The following VPS13B variants were observed in gnomAD, a reference collection of about 807,000 sequenced individuals.
VPS13B encodes the protein vacuolar protein sorting 13 homolog B, also known as intermembrane lipid transfer protein VPS13B.
Under a neutral mutation model 426.4 loss-of-function variants are expected in VPS13B, and 285 were observed. That is an observed-to-expected ratio of 0.67 (90% confidence interval 0.61 to 0.74). VPS13B has a LOEUF of 0.74. VPS13B is among the 30% of genes least tolerant of loss of function. VPS13B has a pLI of 0.00. For synonymous variants in VPS13B, 1,676 were observed against 1,676.4 expected (o/e 1.00, Z 0.01); for missense variants, 4,537 against 4,782.6 (o/e 0.95, Z 1.51).
intron 30 of VPS13B, among the ~76,000 whole-genome samples, chr8:99,531,641 CTA>C (rs1383429012): frequency 2.0e-5 from 3 of 151,992 alleles, no homozygotes; most frequent in Non-Finnish European, 4.4e-5. Context: ...ACAATTATGA[CTA>C]TTTTCACATG....
intron 35 of VPS13B, among the ~76,000 whole-genome samples, chr8:99,670,040 A>G (rs1352800851): frequency 6.6e-6 from 1 of 152,114 alleles, no homozygotes; most frequent in East Asian, 1.9e-4. Context: ...TGTTTATATG[A>G]ATATAAAGTA....
intron 17 of VPS13B, among the ~76,000 whole-genome samples, chr8:99,194,072 C>G (rs1813754502): frequency 6.6e-6 from 1 of 152,166 alleles, no homozygotes; most frequent in Non-Finnish European, 1.5e-5. Context: ...GTGGAATTTT[C>G]TACTTGTATC....
At chr8:99,195,233 G>A (rs1326782591) in intron 17 of VPS13B, among the ~76,000 whole-genome samples, 1 of 152,188 alleles carries the variant, frequency 6.6e-6, no homozygotes, top group African/African-American at 2.4e-5. Flanking sequence ...TAACAGGTAT[G>A]TGGTTATATC....
chr8:99,641,686 A>T, intron 33 of VPS13B, 125 bp from the exon 34 acceptor site: 2 of 887,252 alleles, frequency 2.3e-6, no homozygotes, highest in Non-Finnish European at 3.3e-6. Flanking sequence ...TTTTCTGATT[A>T]CTGTTTTAAG....
chr8:99,353,398 G>A (rs1812004283), intron 19 of VPS13B, among the ~76,000 whole-genome samples: 1 of 152,186 alleles, frequency 6.6e-6, no homozygotes, highest in South Asian at 2.1e-4. Context: ...CTTATGTGGT[G>A]AAACATTTAA....
intron 30 of VPS13B, among the ~76,000 whole-genome samples, chr8:99,545,068 T>C (rs1823896258): frequency 6.6e-6 from 1 of 152,164 alleles, no homozygotes; most frequent in Admixed American, 6.5e-5. Flanking sequence ...GAAAATGCTT[T>C]TTCTATGCCC....
chr8:99,712,684 T>G (rs945080578), intron 36 of VPS13B, among the ~76,000 whole-genome samples: 28 of 151,976 alleles, frequency 1.8e-4, no homozygotes, highest in Non-Finnish European at 1.5e-5. Context: ...CTGTGCAATT[T>G]TACTGATATT....
intron 19 of VPS13B, among the ~76,000 whole-genome samples, chr8:99,304,629 A>G (rs1238839095): frequency 6.6e-6 from 1 of 152,144 alleles, no homozygotes; most frequent in Non-Finnish European, 1.5e-5. Flanking sequence ...CATTAGACCC[A>G]GCACTTCCAG....
At chr8:99,124,414 T>A (rs557158426) in intron 8 of VPS13B, among the ~76,000 whole-genome samples, 2 of 152,346 alleles carry the variant, frequency 1.3e-5, no homozygotes, top group South Asian at 4.1e-4. Context: ...ATTTTATTTC[T>A]AGGTATGTAC....
At chr8:99,639,299 G>T (rs185805045) in intron 33 of VPS13B, among the ~76,000 whole-genome samples, 11 of 152,176 alleles carry the variant, frequency 7.2e-5, no homozygotes, top group Admixed American at 2.0e-4. Context: ...GAACTACTAA[G>T]ATCACCAAGA....
chr8:99,087,455 C>G (rs1235410228), intron 3 of VPS13B, among the ~76,000 whole-genome samples: 1 of 151,956 alleles, frequency 6.6e-6, no homozygotes, highest in Non-Finnish European at 1.5e-5. Context: ...GTACGCTGCA[C>G]CCACTGTCCT....
intron 2 of VPS13B, 143 bp downstream of exon 2, chr8:99,014,078 T>TTTA (rs1044182978): frequency 3.5e-6 from 3 of 865,136 alleles, no homozygotes; most frequent in Non-Finnish European, 3.6e-6. Context: ...ACAAGGGGGC[T>TTTA]TTATTTTACA....
rs528984022 is a variant in VPS13B at position 99,646,271 on chromosome 8, T to A, written c.5908+3773T>A. ...GTCTCACATTTGTAATCTCAGCACTTTGGGAGGCCAAAGTGGGTGGATCAC... is the reference window on the plus strand; with the variant it reads ...GTCTCACATTTGTAATCTCAGCACTATGGGAGGCCAAAGTGGGTGGATCAC... On this transcript the variant is annotated intron_variant, in intron 34 of 61. Coordinates refer to ENST00000357162, the MANE Select transcript of VPS13B (RefSeq NM_152564.5). 2.0e-5 allele frequency among the ~76,000 whole-genome samples: 3 copies of A among 152,272 alleles called. No homozygotes were observed. The South Asian group carries it at 6.2e-4, about 32-fold the overall frequency.
At chr8:99,725,108 A>G (rs1833287022) in intron 39 of VPS13B, among the ~76,000 whole-genome samples, 1 of 152,182 alleles carries the variant, frequency 6.6e-6, no homozygotes, top group South Asian at 2.1e-4. Context: ...CCATGTTCAA[A>G]CATGATAAAG....
At chr8:99,437,618 C>T (rs777094870) in intron 22 of VPS13B, among the ~76,000 whole-genome samples, 3 of 151,706 alleles carry the variant, frequency 2.0e-5, no homozygotes, top group African/African-American at 4.8e-5. Flanking sequence ...GTCTGGAGGC[C>T]GAAGCAGGAG....
At chr8:99,660,971 C>T (rs1241647031) in intron 34 of VPS13B, among the ~76,000 whole-genome samples, 2 of 151,772 alleles carry the variant, frequency 1.3e-5, no homozygotes, top group Admixed American at 6.6e-5. Context: ...AATGTATATG[C>T]TTTTTTTTAA....
In VPS13B at chr8:99,642,128, CAA is replaced by C. The variant is rs1829394659; in HGVS notation, c.5539_5540del (p.Lys1847GlufsTer9). 5 of 1,613,982 alleles carry C rather than the reference CAA, an allele frequency of 3.1e-6. No homozygotes were observed. Among genetic ancestry groups the C allele is most frequent in the African/African-American group, 1.3e-5 (1 of 74,918 alleles). ...AACAGAAGAATAATGAAAAAACAGA[CAA>C]GAGTTCATTAAATCTCCCAGAAGTT... ...QEQKNNEKTD[K>X]SSLNLPEVDS... On this transcript the variant is annotated frameshift_variant, in exon 34 of 62. Transcript: ENST00000357162. LOFTEE classifies it high-confidence loss of function.
intron 35 of VPS13B, among the ~76,000 whole-genome samples, chr8:99,695,158 A>G (rs1454360698): frequency 1.5e-4 from 23 of 151,396 alleles, no homozygotes; most frequent in African/African-American, 3.9e-4. Context: ...CAGGGATCTA[A>G]AACTAGAAAT....
chr8:99,577,664 C>G lies in VPS13B; in HGVS notation c.5220+31C>G, dbSNP rs1825841165. On this transcript the variant is annotated intron_variant, in intron 33 of 61. Coordinates refer to ENST00000357162, the MANE Select transcript of VPS13B (RefSeq NM_152564.5). ...TGTTACCTGATTTTGATCAGGCTTA[C>G]TGCATTTGTTCCAACTTTACATTCA... 1.9e-6 allele frequency: 3 copies of G among 1,611,746 alleles called. No homozygotes were observed. In the South Asian group the frequency reaches 3.3e-5, roughly 18 times the overall value.
Sources: gnomAD v4.1 joint callset for allele counts (sites outside exome capture counted in the v4.1 genomes callset) on GRCh38, gnomAD v4.1.1 for gene constraint, MANE v1.5 for transcripts, NCBI Gene and HGNC (gene_info 2026-07-23, HGNC 2026-07-21) for gene names.